The following AGAP1 variants were observed in gnomAD, a reference collection of about 807,000 sequenced individuals.
AGAP1 encodes ArfGAP with GTPase domain, ankyrin repeat and PH domain 1, also known as arf-GAP with GTPase, ANK repeat and PH domain-containing protein 1.
A neutral mutation model predicts 105.3 loss-of-function variants in AGAP1; 29 were observed. The observed-to-expected ratio is 0.28, with a 90% CI of 0.21 to 0.38. AGAP1 has a LOEUF of 0.38. Ranked by LOEUF, AGAP1 falls within the 10% of genes least tolerant of loss-of-function variation. The pLI is 1.00. For synonymous variants in AGAP1, 509 were observed against 485.9 expected, an observed-to-expected ratio of 1.05 and a Z score of -0.63; for missense variants, 998 against 1,165.1, an observed-to-expected ratio of 0.86 and a Z score of 2.09.
At position 235,843,734 on chromosome 2, in the gene AGAP1, C is replaced by T. The variant is rs2106407569; in HGVS notation, c.1050+36403C>T. On this transcript the variant is annotated intron_variant, in intron 9 of 17. Coordinates refer to ENST00000304032, the MANE Select transcript of AGAP1 (RefSeq NM_001037131.3). The surrounding 1 kb of genome is among the most constrained non-coding windows in gnomAD (Gnocchi z 5.9). ...TCTTTTTCATCTCATCAGCCTAGCT[C>T]CCGGCAGGACCTCCCCACTGGACTT... is the stretch of plus-strand genomic sequence containing the variant. Among the ~76,000 whole-genome samples, 1 of 152,332 alleles carries T rather than the reference C, an allele frequency of 6.6e-6. No homozygotes were observed. Among genetic ancestry groups the T allele is most frequent in the East Asian group, 1.9e-4 (1 of 5,178 alleles).
chr2:236,100,572 C>G (rs1018424083), intron 16 of AGAP1, among the ~76,000 whole-genome samples: 1 of 152,074 alleles, frequency 6.6e-6, no homozygotes, highest in African/African-American at 2.4e-5. Context: ...CACCTGCAAT[C>G]CCAGCACTTT....
At chr2:235,570,740 G>T (rs1283953256) in intron 1 of AGAP1, among the ~76,000 whole-genome samples, 1 of 152,178 alleles carries the variant, frequency 6.6e-6, no homozygotes, top group Non-Finnish European at 1.5e-5. Flanking sequence ...TTGAGCCTCG[G>T]TTTCTTCCTC....
chr2:235,889,281 A>G lies in AGAP1; in HGVS notation c.1155+5832A>G, dbSNP rs2050412020. Among the ~76,000 whole-genome samples the G allele has an allele frequency of 6.6e-6, 1 of 152,146 alleles. No individual in the cohort carries two copies. Among genetic ancestry groups the G allele is most frequent in the Admixed American group, 6.5e-5 (1 of 15,274 alleles). ...TCAGAACAAAGCAGCCAGTCATGAA[A>G]CTGGGGAAACCTGACATTGCAGGAC... On this transcript the variant is annotated intron_variant, in intron 10 of 17. Transcript: ENST00000304032. This position sits in a 1 kb window ranked among gnomAD's most constrained non-coding sequence, Gnocchi z 4.6.
At chr2:236,084,514 T>C (rs535469153) in intron 16 of AGAP1, among the ~76,000 whole-genome samples, 26 of 152,318 alleles carry the variant, frequency 1.7e-4, no homozygotes, top group African/African-American at 6.3e-4. Context: ...AAAATTAATT[T>C]TCAGACATTT....
chr2:235,536,627 T>TCA (rs370173877), intron 1 of AGAP1, among the ~76,000 whole-genome samples: 4,737 of 108,140 alleles, frequency 0.044, 114 homozygotes, highest in Admixed American at 0.052. Flanking sequence ...GTCGCATCCT[T>TCA]CACACACACA....
At chr2:235,533,221 C>G (rs1423684187) in intron 1 of AGAP1, among the ~76,000 whole-genome samples, 1 of 152,156 alleles carries the variant, frequency 6.6e-6, no homozygotes, top group Admixed American at 6.5e-5. Context: ...CAGAAATGGT[C>G]AAGCTCACTA....
chr2:235,710,641 C>T (rs1045694219), intron 2 of AGAP1, among the ~76,000 whole-genome samples: 17 of 152,198 alleles, frequency 1.1e-4, no homozygotes, highest in Non-Finnish European at 2.2e-4. Context: ...CTCTTTCTGT[C>T]TTTTGTGTGC....
At chr2:235,506,800 T>G (rs539605555) in intron 1 of AGAP1, among the ~76,000 whole-genome samples, 1 of 152,254 alleles carries the variant, frequency 6.6e-6, no homozygotes, top group South Asian at 2.1e-4. Flanking sequence ...TGCTGACGGT[T>G]TGCAAAGCTG....
At chr2:236,088,329 T>C (rs1406575704) in intron 16 of AGAP1, among the ~76,000 whole-genome samples, 1 of 152,232 alleles carries the variant, frequency 6.6e-6, no homozygotes, top group Non-Finnish European at 1.5e-5. Flanking sequence ...AACAGCCAGA[T>C]AGCTCCAGCT....
intron 13 of AGAP1, among the ~76,000 whole-genome samples, chr2:236,007,198 G>A (rs2056350760): frequency 6.6e-6 from 1 of 152,176 alleles, no homozygotes; most frequent in Non-Finnish European, 1.5e-5. Context: ...TGTATCTTAT[G>A]GTTTTCATGA....
In AGAP1 at chr2:235,621,869, G is replaced by A. The variant is rs1946491433; in HGVS notation, c.164-87310G>A. 6.6e-6 allele frequency among the ~76,000 whole-genome samples: 1 copy of A among 151,598 alleles called. No homozygotes were observed. Among genetic ancestry groups the A allele is most frequent in the South Asian group, 2.1e-4 (1 of 4,724 alleles). ...TCTCTGCAGTTGGGTAGGAGTGGAG[G>A]AGGGGTGCGATCGGAAGGGAGTGCC... is the stretch of plus-strand genomic sequence containing the variant. On this transcript the variant is annotated intron_variant, in intron 1 of 17. Coordinates refer to ENST00000304032, the MANE Select transcript of AGAP1 (RefSeq NM_001037131.3). This position sits in a 1 kb window ranked among gnomAD's most constrained non-coding sequence, Gnocchi z 4.1.
At position 235,842,676 on chromosome 2, in the gene AGAP1, A is replaced by G. The variant is rs1960999659; in HGVS notation, c.1050+35345A>G. ...CATGTGGATTTGAGTTTCTTACCCTATGAATTCTATAAACTGAAGTTTTCA... is the reference window on the plus strand; with the variant it reads ...CATGTGGATTTGAGTTTCTTACCCTGTGAATTCTATAAACTGAAGTTTTCA... On this transcript the variant is annotated intron_variant, in intron 9 of 17. Transcript: ENST00000304032. The surrounding 1 kb of genome is among the most constrained non-coding windows in gnomAD (Gnocchi z 5.3). Among the ~76,000 whole-genome samples, 7 of 152,118 alleles carry G rather than the reference A, an allele frequency of 4.6e-5. No individual in the cohort carries two copies. In the South Asian group the frequency reaches 6.2e-4, roughly 14 times the overall value.
rs1203375795 is a variant in AGAP1 at position 235,803,869 on chromosome 2, GA to G, written c.958-3362del. Among the ~76,000 whole-genome samples, 94 of 151,134 alleles carry G rather than the reference GA, an allele frequency of 6.2e-4. 1 individual carries two copies. The highest frequency in any genetic ancestry group is 2.2e-3 in the African/African-American group (90 of 41,216). On this transcript the variant is annotated intron_variant, in intron 8 of 17. Transcript: ENST00000304032. Reference sequence around the variant, plus strand: ...ATATTTTATTTCACTTATTTCTTTGGAAAAAAAACAAACATTAAAAGACTGT... The same window carrying G: ...ATATTTTATTTCACTTATTTCTTTGGAAAAAAACAAACATTAAAAGACTGT...
chr2:235,790,691 TC>T (rs1956923507), intron 6 of AGAP1, among the ~76,000 whole-genome samples: 1 of 152,212 alleles, frequency 6.6e-6, no homozygotes, highest in Non-Finnish European at 1.5e-5. Flanking sequence ...CCCACTACCT[TC>T]TTATAACCTT....
At chr2:235,534,403 A>G (rs1351712951) in intron 1 of AGAP1, among the ~76,000 whole-genome samples, 1 of 152,154 alleles carries the variant, frequency 6.6e-6, no homozygotes, top group Non-Finnish European at 1.5e-5. Flanking sequence ...CTGAGGACTC[A>G]TTGGATTAAA....
At position 235,741,063 on chromosome 2, in the gene AGAP1, A is replaced by G. The variant is rs1952552894; in HGVS notation, c.396+15A>G. ...CGGAGGCGCAGGTGAGTATACATGCATGCCCCAAGCCTGCTTTTTTTCCCT... is the reference window on the plus strand; with the variant it reads ...CGGAGGCGCAGGTGAGTATACATGCGTGCCCCAAGCCTGCTTTTTTTCCCT... On this transcript the variant is annotated intron_variant, in intron 4 of 17. Coordinates refer to ENST00000304032, the MANE Select transcript of AGAP1 (RefSeq NM_001037131.3). The surrounding 1 kb of genome is among the most constrained non-coding windows in gnomAD (Gnocchi z 4.9). 1.2e-6 allele frequency: 2 copies of G among 1,606,804 alleles called. No homozygotes were observed. Among genetic ancestry groups the G allele is most frequent in the African/African-American group, 1.3e-5 (1 of 74,854 alleles).
intron 6 of AGAP1, among the ~76,000 whole-genome samples, chr2:235,768,504 G>A (rs997573600): frequency 1.3e-5 from 2 of 152,200 alleles, no homozygotes; most frequent in East Asian, 1.9e-4. Context: ...TCATCAGAGC[G>A]GAGAGCCACA....
In AGAP1 at chr2:235,639,226, CTG is replaced by C. The variant is rs1035753597; in HGVS notation, c.164-69950_164-69949del. 5.3e-5 allele frequency among the ~76,000 whole-genome samples: 8 copies of C among 152,194 alleles called. No homozygotes were observed. Among genetic ancestry groups the C allele is most frequent in the Non-Finnish European group, 1.0e-4 (7 of 68,014 alleles). The stretch of plus-strand genomic sequence containing the variant: ...CAGCTTTGGCCATGCTGTTGTGAGT[CTG>C]TGGTTCCCAGGGAGCAGCTGAGTAG... On this transcript the variant is annotated intron_variant, in intron 1 of 17. Transcript: ENST00000304032. This position sits in a 1 kb window ranked among gnomAD's most constrained non-coding sequence, Gnocchi z 5.3.
intron 1 of AGAP1, among the ~76,000 whole-genome samples, chr2:235,540,148 C>CTTTTTTTTTTTTT (rs535395155): frequency 7.7e-6 from 1 of 129,104 alleles, no homozygotes; most frequent in African/African-American, 3.0e-5. Context: ...CCTCTCTCCT[C>CTTTTTTTTTTTTT]TTTTTTTTTT....
Sources: gnomAD v4.1 joint callset for allele counts (sites outside exome capture counted in the v4.1 genomes callset) on GRCh38, gnomAD v4.1.1 for gene constraint, Gnocchi (gnomAD v3.1) non-coding constraint, MANE v1.5 for transcripts, NCBI Gene and HGNC (gene_info 2026-07-23, HGNC 2026-07-21) for gene names.